DCC: variants seen among roughly 807,000 people sequenced by gnomAD.
DCC encodes DCC netrin 1 receptor, also known as netrin receptor DCC.
DCC carries 58 observed loss-of-function variants against 172.5 expected under a neutral mutation model. That is an observed-to-expected ratio of 0.34 (90% confidence interval 0.27 to 0.42). The LOEUF (loss-of-function observed/expected upper bound fraction) is 0.42. Ranked by LOEUF, DCC falls within the 10% of genes least tolerant of loss-of-function variation. The pLI is 1.00. For synonymous variants in DCC, 709 were observed against 644.5 expected, an observed-to-expected ratio of 1.10 and a Z score of -1.52; for missense variants, 1,740 against 1,791.0, an observed-to-expected ratio of 0.97 and a Z score of 0.51.
chr18:52,602,115 A>C (rs1303724923), intron 1 of DCC, among the ~76,000 whole-genome samples: 1 of 152,100 alleles, frequency 6.6e-6, no homozygotes, highest in East Asian at 1.9e-4. Context: ...TTCAAATGAA[A>C]ATAGTCACAT....
chr18:52,746,124 T>A (rs2036902237), intron 1 of DCC, among the ~76,000 whole-genome samples: 1 of 152,242 alleles, frequency 6.6e-6, no homozygotes, highest in Admixed American at 6.5e-5. Context: ...TATTGCATCA[T>A]CCATAGAATT....
At chr18:52,501,570 A>T (rs2031022005) in intron 1 of DCC, among the ~76,000 whole-genome samples, 1 of 152,148 alleles carries the variant, frequency 6.6e-6, no homozygotes, top group African/African-American at 2.4e-5. Context: ...GTGTTGGGTC[A>T]GTGCTTGGTG....
At chr18:52,970,959 T>C (rs1267140815) in intron 5 of DCC, among the ~76,000 whole-genome samples, 2 of 152,198 alleles carry the variant, frequency 1.3e-5, no homozygotes, top group African/African-American at 2.4e-5. Flanking sequence ...TTCAGTTCTT[T>C]TGAATTGAAA....
At chr18:53,285,478 A>C (rs906387341) in intron 12 of DCC, among the ~76,000 whole-genome samples, 6 of 152,214 alleles carry the variant, frequency 3.9e-5, no homozygotes, top group African/African-American at 1.4e-4. Flanking sequence ...TCAAGAATTA[A>C]GGTTTGGGAA....
intron 1 of DCC, among the ~76,000 whole-genome samples, chr18:52,660,563 T>C (rs2144946156): frequency 6.6e-6 from 1 of 152,216 alleles, no homozygotes; most frequent in Non-Finnish European, 1.5e-5. Flanking sequence ...GGGGTCAAGG[T>C]GACAAAACTG....
Position 53,252,283 on chromosome 18 carries a change from A to G in DCC, c.1911+36686A>G, listed in dbSNP as rs79299441. On this transcript the variant is annotated intron_variant, in intron 12 of 28. Transcript: ENST00000442544. ...CTGCATAGGATTTTAGACGATCTAC[A>G]ATACAGAGACAGAATAAAATAGAAA... Among the ~76,000 whole-genome samples, 713 of 152,024 alleles carry G rather than the reference A, an allele frequency of 4.7e-3. 4 individuals carry two copies. Among genetic ancestry groups the G allele is most frequent in the Non-Finnish European group, 7.6e-3 (515 of 67,914 alleles).
At chr18:52,793,787 T>C (rs2037820268) in intron 2 of DCC, among the ~76,000 whole-genome samples, 1 of 152,188 alleles carries the variant, frequency 6.6e-6, no homozygotes, top group African/African-American at 2.4e-5. Flanking sequence ...GTTTAACTCT[T>C]TAACCATTTT....
chr18:52,776,849 G>A (rs1294402321), intron 2 of DCC, among the ~76,000 whole-genome samples: 2 of 152,088 alleles, frequency 1.3e-5, no homozygotes, highest in East Asian at 1.9e-4. Context: ...TATTAATCAT[G>A]TGAGTATAAA....
At chr18:53,522,812 C>G (rs1182604572) in intron 27 of DCC, among the ~76,000 whole-genome samples, 1 of 152,096 alleles carries the variant, frequency 6.6e-6, no homozygotes, top group Non-Finnish European at 1.5e-5. Flanking sequence ...CATACAAACC[C>G]TGGAAGAAAA....
At chr18:52,358,853 T>G (rs1205818661) in intron 1 of DCC, among the ~76,000 whole-genome samples, 3 of 152,208 alleles carry the variant, frequency 2.0e-5, no homozygotes, top group South Asian at 4.1e-4. Context: ...TCTGGTAGAT[T>G]GCTGCTGCAG....
chr18:52,840,597 C>A (rs529333717), intron 2 of DCC, among the ~76,000 whole-genome samples: 1 of 152,160 alleles, frequency 6.6e-6, no homozygotes, highest in African/African-American at 2.4e-5. Flanking sequence ...ATGAACTATG[C>A]TGATTACTTT....
At position 52,906,342 on chromosome 18, in the gene DCC, C is replaced by T; in HGVS notation, c.697+14C>T. 6 of 1,613,070 alleles carry T rather than the reference C, an allele frequency of 3.7e-6. No individual in the cohort carries two copies. The highest frequency in any genetic ancestry group is 1.3e-5 in the African/African-American group (1 of 75,038). ...GAATTTTATCAGGTATTGCAATGCT[C>T]TTTGTTGCCTTCAGAATGATATTCT... On this transcript the variant is annotated intron_variant, in intron 3 of 28. Transcript: ENST00000442544.
rs572242651 is a variant in DCC, at chr18:53,383,224, A to C, written c.2360-2819A>C. Among the ~76,000 whole-genome samples the C allele has an allele frequency of 8.5e-5, 13 of 152,150 alleles. No homozygotes were observed. In the East Asian group the frequency reaches 9.7e-4, roughly 11 times the overall value. On this transcript the variant is annotated intron_variant, in intron 15 of 28. Coordinates refer to ENST00000442544, the MANE Select transcript of DCC (RefSeq NM_005215.4). ...TTTATCTTAGCAATTATTAATGCTTAATGCTTAGATCCATTCATTAATGGG... is the reference window on the plus strand; with the variant it reads ...TTTATCTTAGCAATTATTAATGCTTCATGCTTAGATCCATTCATTAATGGG...
At chr18:52,385,887 C>T (rs571823622) in intron 1 of DCC, among the ~76,000 whole-genome samples, 36 of 152,126 alleles carry the variant, frequency 2.4e-4, no homozygotes, top group Middle Eastern at 3.4e-3. Flanking sequence ...ATTGGTGCTG[C>T]GAGCTATAAT....
chr18:53,511,450 C>T (rs1444946448), intron 27 of DCC, among the ~76,000 whole-genome samples: 1 of 152,164 alleles, frequency 6.6e-6, no homozygotes, highest in Non-Finnish European at 1.5e-5. Flanking sequence ...GATAGAGGGT[C>T]GAGAAGCCAA....
At chr18:53,527,939 G>A (rs1291698693) in intron 28 of DCC, among the ~76,000 whole-genome samples, 1 of 152,086 alleles carries the variant, frequency 6.6e-6, no homozygotes, top group Non-Finnish European at 1.5e-5. Flanking sequence ...TCTTTTTTAA[G>A]CATAAATTAT....
chr18:53,249,192 GA>G (rs2056399615), intron 12 of DCC, among the ~76,000 whole-genome samples: 1 of 151,956 alleles, frequency 6.6e-6, no homozygotes, highest in African/African-American at 2.4e-5. Context: ...ACAGTTTGCA[GA>G]GTTGGTTCAC....
chr18:52,557,786 A>G (rs1290911543), intron 1 of DCC, among the ~76,000 whole-genome samples: 1 of 152,104 alleles, frequency 6.6e-6, no homozygotes, highest in East Asian at 1.9e-4. Context: ...CAGCCCCCCA[A>G]GTAGCTGGGA....
At chr18:52,877,596 A>G (rs1447870440) in intron 2 of DCC, among the ~76,000 whole-genome samples, 2 of 151,886 alleles carry the variant, frequency 1.3e-5, no homozygotes, top group Non-Finnish European at 2.9e-5. Context: ...AATCCCAGGT[A>G]CTTTGGAGGT....
Sources: allele counts gnomAD v4.1 joint callset (sites outside exome capture counted in the v4.1 genomes callset), GRCh38; gene constraint gnomAD v4.1.1; transcripts MANE v1.5; gene names NCBI Gene and HGNC (gene_info 2026-07-23, HGNC 2026-07-21).